Variants in PAIP1 observed in about 807,000 individuals in gnomAD.
PAIP1 encodes the protein poly(A) binding protein interacting protein 1, also known as polyadenylate-binding protein-interacting protein 1.
PAIP1 carries 16 observed loss-of-function variants against 61.3 expected under a neutral mutation model. That is an observed-to-expected ratio of 0.26 (90% confidence interval 0.18 to 0.40). The LOEUF is 0.40. PAIP1 is among the 10% of genes least tolerant of loss of function. The pLI, the probability that PAIP1 is intolerant of heterozygous loss-of-function variation, is 1.00. For missense variants in PAIP1, 416 were observed against 600.9 expected, an observed-to-expected ratio of 0.69 and a Z score of 3.22; for synonymous variants, 187 against 226.2, an observed-to-expected ratio of 0.83 and a Z score of 1.56.
Position 43,556,666 on chromosome 5 carries a change from G to A in PAIP1, c.181C>T (p.Gln61Ter). 7.8e-7 allele frequency: 1 copy of A among 1,282,744 alleles called. No individual in the cohort carries two copies. The allele number at this position is 1,282,744 out of a possible 1,614,324, so 79.5% of individuals were successfully genotyped here. Residue 61 changes from glutamine (Q) to a stop codon, truncating the protein, a stop_gained, in exon 1 of 11, where the codon CAG (glutamine) becomes TAG (stop). Coordinates refer to ENST00000306846, the MANE Select transcript of PAIP1 (RefSeq NM_006451.5). LOFTEE classifies it high-confidence loss of function. ...CCTGGCGGCGGGGTCGTCCTGGGCT[G>A]GCGCAGCGGCGGTGGCTGCAGGAAG... ...PGFLQPPPLR[Q>*]PRTTPPPGAQ...
chr5:43,550,306 A>C (rs1400922286), intron 2 of PAIP1, among the ~76,000 whole-genome samples: 1 of 152,188 alleles, frequency 6.6e-6, no homozygotes, highest in African/African-American at 2.4e-5. Flanking sequence ...TGAATTAATC[A>C]AATTCACCTA....
intron 9 of PAIP1, among the ~76,000 whole-genome samples, chr5:43,532,838 AG>A (rs1222229307): frequency 1.3e-5 from 2 of 152,226 alleles, no homozygotes; most frequent in Non-Finnish European, 2.9e-5. Context: ...GAAATCAAAA[AG>A]GTCAACAAGA....
intron 2 of PAIP1, among the ~76,000 whole-genome samples, chr5:43,554,343 T>C (rs533404334): frequency 2.2e-4 from 33 of 152,344 alleles, no homozygotes; most frequent in African/African-American, 7.7e-4. Context: ...GTGGCTCTAA[T>C]GGTTCTTTTC....
At chr5:43,553,617 G>A (rs955901799) in intron 2 of PAIP1, among the ~76,000 whole-genome samples, 1 of 152,040 alleles carries the variant, frequency 6.6e-6, no homozygotes, top group Non-Finnish European at 1.5e-5. Flanking sequence ...TAAGAGTCGG[G>A]GGAAAAAAGG....
At chr5:43,540,794 T>C (rs1747367748) in intron 4 of PAIP1, among the ~76,000 whole-genome samples, 1 of 152,196 alleles carries the variant, frequency 6.6e-6, no homozygotes, top group South Asian at 2.1e-4. Context: ...GTCTCAATCA[T>C]AGCTATACAG....
intron 1 of PAIP1, chr5:43,556,205 G>GCCTCT: frequency 7.5e-7 from 1 of 1,332,832 alleles, no homozygotes; most frequent in Non-Finnish European, 9.6e-7. Flanking sequence ...GGGCATACCT[G>GCCTCT]CCTCTCAAAT....
intron 9 of PAIP1, among the ~76,000 whole-genome samples, 154 bp downstream of exon 9, chr5:43,533,584 G>A (rs1317692754): frequency 6.6e-6 from 1 of 152,168 alleles, no homozygotes; most frequent in Non-Finnish European, 1.5e-5. Flanking sequence ...ACTATGAAGA[G>A]CATTCTATAT....
chr5:43,542,533 C>CAAA (rs35220672), intron 4 of PAIP1, among the ~76,000 whole-genome samples: 31 of 62,094 alleles, frequency 5.0e-4, no homozygotes, highest in African/African-American at 1.5e-3. Flanking sequence ...GACTCCATCT[C>CAAA]AAAAAAAAAA....
intron 9 of PAIP1, among the ~76,000 whole-genome samples, chr5:43,531,082 A>G (rs1260447158): frequency 6.6e-6 from 1 of 152,188 alleles, no homozygotes; most frequent in Non-Finnish European, 1.5e-5. Context: ...AAGCTTGGTC[A>G]TGTCTGCCTG....
intron 9 of PAIP1, among the ~76,000 whole-genome samples, chr5:43,532,616 T>A (rs1228802703): frequency 6.6e-6 from 1 of 152,178 alleles, no homozygotes; most frequent in East Asian, 1.9e-4. Context: ...ACAAGACTGA[T>A]AAATTTTGTT....
intron 4 of PAIP1, among the ~76,000 whole-genome samples, chr5:43,541,288 CTTTTTTTT>C (rs777778938): frequency 4.0e-5 from 1 of 25,208 alleles, no homozygotes; most frequent in Non-Finnish European, 6.4e-5. Context: ...CCACGCCCAG[CTTTTTTTT>C]TTTTTTTTGT....
chr5:43,538,298 T>C (rs554626440), intron 5 of PAIP1, among the ~76,000 whole-genome samples: 11 of 152,274 alleles, frequency 7.2e-5, no homozygotes, highest in East Asian at 1.9e-4. Flanking sequence ...ATGATGACTA[T>C]AGTTAACAAT....
intron 10 of PAIP1, among the ~76,000 whole-genome samples, chr5:43,528,088 G>A (rs934224278): frequency 3.3e-5 from 5 of 152,146 alleles, no homozygotes; most frequent in South Asian, 2.1e-4. Context: ...TAAGTATGGC[G>A]GGAAAGATTT....
intron 2 of PAIP1, among the ~76,000 whole-genome samples, chr5:43,552,947 A>C (rs1747920979): frequency 1.3e-5 from 2 of 152,196 alleles, no homozygotes; most frequent in African/African-American, 4.8e-5. Flanking sequence ...CAGACTGCAG[A>C]GGTCTGAACA....
At chr5:43,545,207 C>T (rs972528430) in intron 3 of PAIP1, among the ~76,000 whole-genome samples, 1 of 152,202 alleles carries the variant, frequency 6.6e-6, no homozygotes, top group African/African-American at 2.4e-5. Flanking sequence ...CATCTTATTA[C>T]GGAAGTCTTT....
chr5:43,546,869 C>G (rs1365336085), intron 3 of PAIP1, among the ~76,000 whole-genome samples: 1 of 151,674 alleles, frequency 6.6e-6, no homozygotes, highest in Admixed American at 6.6e-5. Flanking sequence ...ACGGTGGAAC[C>G]CTGTCTCTAT....
chr5:43,540,431 T>C (rs1747352455), intron 4 of PAIP1, among the ~76,000 whole-genome samples: 1 of 152,210 alleles, frequency 6.6e-6, no homozygotes, highest in Admixed American at 6.5e-5. Flanking sequence ...TACGTTAGGA[T>C]ATGATTATGT....
chr5:43,535,089 C>T, intron 7 of PAIP1, 119 bp from the exon 8 acceptor site: 1 of 658,554 alleles, frequency 1.5e-6, no homozygotes, highest in Non-Finnish European at 2.7e-6. Context: ...GATGCCTTGA[C>T]TTTCTAGACG....
At chr5:43,538,892 T>G (rs753724447) in intron 5 of PAIP1, 32 bp downstream of exon 5, 1 of 1,074,856 alleles carries the variant, frequency 9.3e-7, no homozygotes, top group East Asian at 2.4e-5. Context: ...TCTCAGGCCT[T>G]GTTAGTACTT....
Sources: allele counts gnomAD v4.1 joint callset (sites outside exome capture counted in the v4.1 genomes callset), GRCh38; gene constraint gnomAD v4.1.1; transcripts MANE v1.5; gene names NCBI Gene and HGNC (gene_info 2026-07-23, HGNC 2026-07-21).